Variants in ROBO2 observed in about 807,000 individuals in gnomAD.
ROBO2 encodes roundabout guidance receptor 2.
In ROBO2, 53 loss-of-function variants were observed where a neutral mutation model predicts 160.8. The ratio of observed to expected loss-of-function variants is 0.33; its 90% CI spans 0.26 to 0.41. The LOEUF (loss-of-function observed/expected upper bound fraction) is 0.41, where lower values mean the gene tolerates loss of function less well. ROBO2 is among the 10% of genes least tolerant of loss of function. The probability of loss-of-function intolerance (pLI) is 1.00; values close to 1 mark genes in which losing one functional copy is unlikely to be tolerated. For missense variants in ROBO2, 1,577 were observed against 1,722.4 expected, an observed-to-expected ratio of 0.92 and a Z score of 1.49; for synonymous variants, 664 against 611.7, an observed-to-expected ratio of 1.09 and a Z score of -1.26.
chr3:76,750,146 C>T (rs1034453948), intron 2 of ROBO2, among the ~76,000 whole-genome samples: 11 of 151,850 alleles, frequency 7.2e-5, no homozygotes, highest in Non-Finnish European at 1.6e-4. Context: ...GTTCAACATA[C>T]AAAAATCATT....
In ROBO2 at chr3:76,600,397, G is replaced by A. The variant is rs12630902; in HGVS notation, c.110-497617G>A. Among the ~76,000 whole-genome samples, 69 of 152,182 alleles carry A rather than the reference G, an allele frequency of 4.5e-4. No homozygotes were observed. The East Asian group carries it at 9.9e-3, about 22-fold the overall frequency. Reference sequence around the variant, plus strand: ...ATATTGTAAGTCTCTGTGTTAGTTCGTTTTCATGCTGCTGATAAGGACATG... The same window carrying A: ...ATATTGTAAGTCTCTGTGTTAGTTCATTTTCATGCTGCTGATAAGGACATG... On this transcript the variant is annotated intron_variant, in intron 2 of 26. Transcript: ENST00000487694.
chr3:76,163,683 A>G (rs1158046955), intron 2 of ROBO2, among the ~76,000 whole-genome samples: 2 of 152,054 alleles, frequency 1.3e-5, no homozygotes, highest in Non-Finnish European at 1.5e-5. Flanking sequence ...TATCAAAACA[A>G]TGTTTACAAT....
chr3:77,495,290 G>A (rs919133606), intron 5 of ROBO2, among the ~76,000 whole-genome samples: 9 of 152,050 alleles, frequency 5.9e-5, no homozygotes, highest in African/African-American at 2.2e-4. Flanking sequence ...TGATTTATAG[G>A]AAAGTTACAA....
At chr3:75,975,530 C>A (rs2065113285) in intron 2 of ROBO2, among the ~76,000 whole-genome samples, 1 of 151,342 alleles carries the variant, frequency 6.6e-6, no homozygotes, top group South Asian at 2.1e-4. Flanking sequence ...ATTAGCATTT[C>A]TCAAGTTTTC....
At chr3:77,500,921 T>C (rs1582499752) in intron 5 of ROBO2, among the ~76,000 whole-genome samples, 2 of 152,252 alleles carry the variant, frequency 1.3e-5, no homozygotes, top group East Asian at 3.9e-4. Flanking sequence ...GGAACACACA[T>C]GGAATATGAA....
intron 2 of ROBO2, among the ~76,000 whole-genome samples, chr3:76,250,425 C>G (rs1705918374): frequency 6.6e-6 from 1 of 152,036 alleles, no homozygotes; most frequent in Non-Finnish European, 1.5e-5. Flanking sequence ...AAAAATCACA[C>G]TGGGTGTGAA....
intron 2 of ROBO2, among the ~76,000 whole-genome samples, chr3:76,340,839 T>C (rs2074181029): frequency 6.6e-6 from 1 of 152,160 alleles, no homozygotes; most frequent in South Asian, 2.1e-4. Flanking sequence ...ATCAGAGTTC[T>C]TATATTCTGC....
chr3:77,015,499 C>T (rs1313811491), intron 2 of ROBO2, among the ~76,000 whole-genome samples: 1 of 152,116 alleles, frequency 6.6e-6, no homozygotes, highest in East Asian at 1.9e-4. Context: ...TATAACCATC[C>T]ACGATTATAG....
chr3:76,567,455 G>A (rs373776931), intron 2 of ROBO2, among the ~76,000 whole-genome samples: 33 of 151,016 alleles, frequency 2.2e-4, no homozygotes, highest in African/African-American at 8.0e-4. Flanking sequence ...CATGAAAATA[G>A]CTCAACATAT....
At chr3:75,953,659 G>T (rs755346376) in intron 2 of ROBO2, among the ~76,000 whole-genome samples, 1 of 151,816 alleles carries the variant, frequency 6.6e-6, no homozygotes, top group Admixed American at 6.6e-5. Flanking sequence ...TTCAGGCAGG[G>T]TGTATATAGG....
chr3:76,816,231 C>T (rs776590006), intron 2 of ROBO2, among the ~76,000 whole-genome samples: 2 of 151,998 alleles, frequency 1.3e-5, no homozygotes, highest in African/African-American at 4.8e-5. Flanking sequence ...TGGAAGGCCA[C>T]GTGTGGATCG....
intron 2 of ROBO2, among the ~76,000 whole-genome samples, chr3:76,279,319 T>C (rs1003547704): frequency 4.0e-5 from 6 of 151,650 alleles, no homozygotes; most frequent in Non-Finnish European, 5.9e-5. Context: ...TCATGTTTAT[T>C]TTAGGCTTTA....
intron 6 of ROBO2, among the ~76,000 whole-genome samples, chr3:77,529,826 C>G (rs2091495606): frequency 6.6e-6 from 1 of 151,804 alleles, no homozygotes. Flanking sequence ...ATATAAAGAA[C>G]TATACTTTAA....
Position 77,070,001 on chromosome 3 carries a change from C to T in ROBO2, c.62-28013C>T, listed in dbSNP as rs375565649. On this transcript the variant is annotated intron_variant, in intron 1 of 25. Transcript: ENST00000461745. ...CATTATCATGGGCCCAATTTCAATA[C>T]GACTGGTGTCCTTATAAAAAGGGAG... 2.6e-4 allele frequency among the ~76,000 whole-genome samples: 39 copies of T among 152,060 alleles called. 1 individual carries two copies. Among genetic ancestry groups the T allele is most frequent in the African/African-American group, 8.2e-4 (34 of 41,396 alleles).
At chr3:76,705,647 C>T (rs182159297) in intron 2 of ROBO2, among the ~76,000 whole-genome samples, 6 of 152,226 alleles carry the variant, frequency 3.9e-5, no homozygotes, top group African/African-American at 7.2e-5. Context: ...GCTATACAAG[C>T]TCTTCTCATA....
intron 23 of ROBO2, chr3:77,632,252 G>A: frequency 2.3e-6 from 1 of 439,550 alleles, no homozygotes; most frequent in African/African-American, 2.0e-5. Context: ...TGCAGCACAT[G>A]CTTTGCTTAT....
rs563204817 is a variant in ROBO2, at chr3:76,653,621, G to A, written c.110-444393G>A. Among the ~76,000 whole-genome samples, 14 of 151,784 alleles carry A rather than the reference G, an allele frequency of 9.2e-5. No individual in the cohort carries two copies. In the South Asian group the frequency reaches 2.9e-3, roughly 32 times the overall value. ...CACAGAGTTCATCAGTGAAACTGCA[G>A]GTTTTATAATTAAATATAAAAATCG... On this transcript the variant is annotated intron_variant, in intron 2 of 26. Coordinates refer to the ROBO2 transcript ENST00000487694.
chr3:76,975,334 G>A lies in ROBO2; in HGVS notation c.110-122680G>A, dbSNP rs376921665. 1.8e-4 allele frequency among the ~76,000 whole-genome samples: 27 copies of A among 152,166 alleles called. No homozygotes were observed. In the East Asian group the frequency reaches 1.9e-3, roughly 11 times the overall value. ...AGCCTGGCCAACATGGCGAAACCCC[G>A]TCTCTGCTAAAAATGTAAAAATTAG... On this transcript the variant is annotated intron_variant, in intron 2 of 26. Coordinates refer to the ROBO2 transcript ENST00000487694.
intron 2 of ROBO2, among the ~76,000 whole-genome samples, chr3:76,923,244 C>G (rs1276795161): frequency 6.6e-6 from 1 of 152,154 alleles, no homozygotes; most frequent in Non-Finnish European, 1.5e-5. Context: ...AAGAACGGCT[C>G]CCCGCCATTC....
Sources: gnomAD v4.1 joint callset for allele counts (sites outside exome capture counted in the v4.1 genomes callset) on GRCh38, gnomAD v4.1.1 for gene constraint, MANE v1.5 for transcripts, NCBI Gene and HGNC (gene_info 2026-07-23, HGNC 2026-07-21) for gene names.